Variants in SLIT3 observed in about 807,000 individuals in gnomAD.
The protein encoded by SLIT3 is slit guidance ligand 3.
In SLIT3, 68 loss-of-function variants were observed where a neutral mutation model predicts 184.0. That is an observed-to-expected ratio of 0.37 (90% CI 0.30 to 0.45). SLIT3 has a LOEUF of 0.45. SLIT3 is among the 20% of genes least tolerant of loss of function. The pLI is 1.00. For synonymous variants in SLIT3, 831 were observed against 828.6 expected, an observed-to-expected ratio of 1.00 and a Z score of -0.05; for missense variants, 1,707 against 2,026.0, an observed-to-expected ratio of 0.84 and a Z score of 3.02.
At chr5:169,054,882 T>C (rs1302361495) in intron 4 of SLIT3, among the ~76,000 whole-genome samples, 1 of 152,094 alleles carries the variant, frequency 6.6e-6, no homozygotes, top group Non-Finnish European at 1.5e-5. Context: ...GGGGGTCCCA[T>C]TATCTGAGTA....
At chr5:168,963,805 C>T (rs563894284) in intron 4 of SLIT3, among the ~76,000 whole-genome samples, 3 of 152,328 alleles carry the variant, frequency 2.0e-5, no homozygotes, top group East Asian at 1.9e-4. Flanking sequence ...CTCAGGCTCT[C>T]TTTTGTTGGC....
rs142460062 is a variant in SLIT3 at position 168,708,033 on chromosome 5, C to T, written c.2787G>A (p.Gly929=). 1 of 1,614,180 alleles carries T rather than the reference C, an allele frequency of 6.2e-7. No individual in the cohort carries two copies. Among genetic ancestry groups the T allele is most frequent in the Non-Finnish European group, 8.5e-7 (1 of 1,180,040 alleles). ...ACLSSPCKNN[G]TCTQDPVELY... ...GCTCCACAGGGTCCTGGGTGCATGT[C>T]CCGTTATTCTTGCACGGGCTGGAGA... The change falls in exon 26 of 36, where the codon GGG becomes GGA. Residue 929 remains glycine (G), a synonymous_variant. Transcript: ENST00000519560.
rs188151156 is a variant in SLIT3, at chr5:168,955,329, T to C, written c.414-71993A>G. ...TTGCAGGTTAGACAGCAGTGCTCCCTAGAGGCTCTCCCAAGGGGGACTGTG... is the reference window on the plus strand; with the variant it reads ...TTGCAGGTTAGACAGCAGTGCTCCCCAGAGGCTCTCCCAAGGGGGACTGTG... On this transcript the variant is annotated intron_variant, in intron 4 of 35. Transcript: ENST00000519560. Among the ~76,000 whole-genome samples the C allele has an allele frequency of 7.0e-4, 106 of 152,322 alleles. 1 individual carries two copies. Among genetic ancestry groups the C allele is most frequent in the Non-Finnish European group, 2.2e-4 (15 of 68,018 alleles).
chr5:169,147,291 T>C (rs1374418859), intron 4 of SLIT3, among the ~76,000 whole-genome samples: 1 of 152,236 alleles, frequency 6.6e-6, no homozygotes, highest in Non-Finnish European at 1.5e-5. Flanking sequence ...TTTTTGGAGA[T>C]GGAGTCTCAC....
At position 169,251,471 on chromosome 5, in the gene SLIT3, A is replaced by G; in HGVS notation, c.198-12T>C. On this transcript the variant is annotated splice_polypyrimidine_tract_variant and intron_variant, in intron 1 of 35. Coordinates refer to ENST00000519560, the MANE Select transcript of SLIT3 (RefSeq NM_003062.4). ...TTCTGTCCAGGTCACTGCAATGGAG[A>G]GCAAATTCAGGTCAGATTTTTGTGG... 6.3e-7 allele frequency: 1 copy of G among 1,596,362 alleles called. No individual in the cohort carries two copies. The highest frequency in any genetic ancestry group is 8.6e-7 in the Non-Finnish European group (1 of 1,163,948).
At chr5:168,925,999 G>A (rs376765484) in intron 4 of SLIT3, among the ~76,000 whole-genome samples, 17 of 152,184 alleles carry the variant, frequency 1.1e-4, no homozygotes, top group Non-Finnish European at 1.9e-4. Flanking sequence ...AGTGATCTAC[G>A]GAAGGCATGT....
At chr5:169,240,464 C>T (rs1765360113) in intron 3 of SLIT3, among the ~76,000 whole-genome samples, 1 of 150,812 alleles carries the variant, frequency 6.6e-6, no homozygotes, top group African/African-American at 2.4e-5. Context: ...GGGATATTTC[C>T]TATTTTATCA....
chr5:169,129,073 T>C (rs1399444673), intron 4 of SLIT3, among the ~76,000 whole-genome samples: 4 of 152,262 alleles, frequency 2.6e-5, no homozygotes, highest in African/African-American at 9.6e-5. Flanking sequence ...AATTCCTTGG[T>C]AAGCTGCTTG....
chr5:168,935,500 C>T (rs1762132210), intron 4 of SLIT3, among the ~76,000 whole-genome samples: 2 of 152,192 alleles, frequency 1.3e-5, no homozygotes, highest in Admixed American at 6.5e-5. Flanking sequence ...TTCTTTGTTT[C>T]AGTGTGTTCA....
chr5:169,038,576 A>G lies in SLIT3; in HGVS notation c.413+154903T>C, dbSNP rs866516117. ...ATAGGTGGATGAGGAAGAATGACTG[A>G]GCAGTGCTTCTCCTGTGCTCCATGC... On this transcript the variant is annotated intron_variant, in intron 4 of 35. Coordinates refer to ENST00000519560, the MANE Select transcript of SLIT3 (RefSeq NM_003062.4). 2.8e-4 allele frequency among the ~76,000 whole-genome samples: 43 copies of G among 152,208 alleles called. 1 individual carries two copies. The highest frequency in any genetic ancestry group is 3.2e-3 in the Middle Eastern group (1 of 316).
At chr5:168,992,033 C>A (rs1262531227) in intron 4 of SLIT3, among the ~76,000 whole-genome samples, 1 of 152,216 alleles carries the variant, frequency 6.6e-6, no homozygotes, top group South Asian at 2.1e-4. Context: ...GTAAGTGGGA[C>A]CTGCCTCAGG....
At chr5:168,779,040 G>T (rs1476549611) in intron 12 of SLIT3, among the ~76,000 whole-genome samples, 1 of 152,226 alleles carries the variant, frequency 6.6e-6, no homozygotes, top group African/African-American at 2.4e-5. Context: ...GCCACCAGGT[G>T]AACAGCAGGG....
intron 20 of SLIT3, among the ~76,000 whole-genome samples, chr5:168,736,186 C>A (rs1490388514): frequency 6.6e-6 from 1 of 152,182 alleles, no homozygotes; most frequent in Admixed American, 6.5e-5. Context: ...CAGTGTGTGG[C>A]ACAATGAACT....
intron 13 of SLIT3, among the ~76,000 whole-genome samples, chr5:168,773,775 G>C (rs1176584144): frequency 6.6e-6 from 1 of 152,152 alleles, no homozygotes; most frequent in African/African-American, 2.4e-5. Context: ...GCTTGGTTTT[G>C]CAGGGTGGAG....
At chr5:168,789,936 C>T (rs914687463) in intron 10 of SLIT3, 37 of 320,562 alleles carry the variant, frequency 1.2e-4, no homozygotes, top group African/African-American at 6.8e-4. Flanking sequence ...AAAATTGAGC[C>T]CAGTCAAATT....
chr5:169,056,002 G>A (rs1001215859), intron 4 of SLIT3, among the ~76,000 whole-genome samples: 2 of 152,108 alleles, frequency 1.3e-5, no homozygotes, highest in Non-Finnish European at 2.9e-5. Flanking sequence ...TCTGACTTTG[G>A]TTCTCAAAAG....
chr5:169,144,631 TC>T (rs1404293541), intron 4 of SLIT3, among the ~76,000 whole-genome samples: 1 of 152,184 alleles, frequency 6.6e-6, no homozygotes, highest in Non-Finnish European at 1.5e-5. Flanking sequence ...AACATGTGAA[TC>T]CTCAGGAAGG....
intron 1 of SLIT3, among the ~76,000 whole-genome samples, chr5:169,264,715 T>G (rs552557630): frequency 6.6e-6 from 1 of 152,360 alleles, no homozygotes; most frequent in South Asian, 2.1e-4. Context: ...TCCCATCTCA[T>G]GCTTTACCTC....
intron 27 of SLIT3, 148 bp from the exon 28 acceptor site, chr5:168,696,579 C>T: frequency 1.2e-6 from 1 of 819,140 alleles, no homozygotes; most frequent in Non-Finnish European, 1.9e-6. Flanking sequence ...CACATGAGGC[C>T]TTGGGGTCCT....
Sources: allele counts gnomAD v4.1 joint callset (sites outside exome capture counted in the v4.1 genomes callset), GRCh38; gene constraint gnomAD v4.1.1; transcripts MANE v1.5; gene names NCBI Gene and HGNC (gene_info 2026-07-23, HGNC 2026-07-21).